SEMA6D: variants seen among roughly 807,000 people sequenced by gnomAD.
SEMA6D encodes the protein semaphorin-6D.
Under a neutral mutation model 106.6 loss-of-function variants are expected in SEMA6D, and 35 were observed. That is an observed-to-expected ratio of 0.33 (90% CI 0.25 to 0.44). SEMA6D has a LOEUF of 0.44. Among genes scored for constraint, SEMA6D ranks in the 20% least tolerant of loss-of-function variants. SEMA6D has a pLI of 1.00. For missense variants in SEMA6D, 1,185 were observed against 1,345.9 expected (o/e 0.88, Z 1.87); for synonymous variants, 499 against 487.7 (o/e 1.02, Z -0.31).
intron 4 of SEMA6D, among the ~76,000 whole-genome samples, chr15:47,689,761 A>G (rs1323798515): frequency 1.3e-5 from 2 of 152,230 alleles, no homozygotes; most frequent in Non-Finnish European, 2.9e-5. Flanking sequence ...GTTTCAGAGC[A>G]AAGTTCTTAC....
At chr15:47,490,401 T>C (rs1245898676) in intron 3 of SEMA6D, among the ~76,000 whole-genome samples, 6 of 152,116 alleles carry the variant, frequency 3.9e-5, no homozygotes, top group Admixed American at 3.3e-4. Flanking sequence ...ATCCCAGCAC[T>C]TTGGGAGGCC....
intron 2 of SEMA6D, among the ~76,000 whole-genome samples, chr15:47,435,025 A>G (rs957612024): frequency 1.3e-5 from 2 of 152,150 alleles, no homozygotes; most frequent in Non-Finnish European, 2.9e-5. Flanking sequence ...AAATCACTGA[A>G]TTGTAAATTC....
intron 3 of SEMA6D, among the ~76,000 whole-genome samples, chr15:47,567,779 G>A (rs1016671868): frequency 2.0e-5 from 3 of 152,150 alleles, no homozygotes; most frequent in African/African-American, 4.8e-5. Context: ...GCTCCTAAAA[G>A]TAGGCCTGGG....
chr15:47,344,791 A>G (rs1472476699), intron 1 of SEMA6D, among the ~76,000 whole-genome samples: 2 of 152,232 alleles, frequency 1.3e-5, no homozygotes, highest in South Asian at 2.1e-4. Flanking sequence ...TGCAGACAAC[A>G]TAAATATCTA....
intron 1 of SEMA6D, among the ~76,000 whole-genome samples, chr15:47,403,180 G>T (rs189595559): frequency 3.3e-5 from 5 of 152,078 alleles, no homozygotes; most frequent in Admixed American, 2.0e-4. Flanking sequence ...CAGAATCCCT[G>T]TGTTGGCTGG....
chr15:47,729,500 A>C (rs1269732435), intron 1 of SEMA6D, among the ~76,000 whole-genome samples: 1 of 152,206 alleles, frequency 6.6e-6, no homozygotes, highest in African/African-American at 2.4e-5. Flanking sequence ...AGCAAAGGGT[A>C]GTTGAAGAAG....
At position 47,763,853 on chromosome 15, in the gene SEMA6D, G is replaced by C; in HGVS notation, c.751G>C (p.Val251Leu). Residue 251 changes from valine (V) to leucine (L), a missense_variant, in exon 10 of 19, where the codon GTG (valine) becomes CTG (leucine). Coordinates refer to ENST00000536845, the MANE Select transcript of SEMA6D (RefSeq NM_001358351.3). ...TTTGCTTCTATCCGTTGGGCAGGCT[G>C]TGTATTCCCGCGTGGCCCGCATATG... Reference protein sequence around the residue: ...AVEHNNLGKAVYSRVARICKN... With the variant: ...AVEHNNLGKALYSRVARICKN... 6.2e-7 allele frequency: 1 copy of C among 1,612,704 alleles called. No individual in the cohort carries two copies. The highest frequency in any genetic ancestry group is 8.5e-7 in the Non-Finnish European group (1 of 1,179,764).
intron 1 of SEMA6D, among the ~76,000 whole-genome samples, chr15:47,327,282 A>G (rs564388186): frequency 2.6e-5 from 4 of 152,368 alleles, no homozygotes; most frequent in South Asian, 4.1e-4. Flanking sequence ...CAGATAATAA[A>G]TGTAAACCAG....
intron 4 of SEMA6D, among the ~76,000 whole-genome samples, chr15:47,704,729 T>C (rs1308061192): frequency 6.7e-6 from 1 of 150,368 alleles, no homozygotes; most frequent in Non-Finnish European, 1.5e-5. Flanking sequence ...AAAAAAAAAA[T>C]CTTGTCTTAC....
intron 3 of SEMA6D, among the ~76,000 whole-genome samples, chr15:47,552,891 A>AAT (rs374271506): frequency 0.12 from 4,363 of 35,058 alleles, 547 homozygotes; most frequent in African/African-American, 0.27. Flanking sequence ...AATATATATA[A>AAT]ATATATATAT....
chr15:47,449,500 C>G (rs1342098704), intron 2 of SEMA6D, among the ~76,000 whole-genome samples: 1 of 152,066 alleles, frequency 6.6e-6, no homozygotes, highest in East Asian at 1.9e-4. Flanking sequence ...AAGGCTTCCT[C>G]TCACAGACTG....
At chr15:47,634,933 G>A (rs1268857964) in intron 4 of SEMA6D, among the ~76,000 whole-genome samples, 2 of 152,284 alleles carry the variant, frequency 1.3e-5, no homozygotes, top group East Asian at 1.9e-4. Context: ...TGCCAAAAAA[G>A]GTTTTCTGCT....
chr15:47,746,984 G>GTATATATATATATATATATATATATA (rs3985864), intron 1 of SEMA6D, among the ~76,000 whole-genome samples: 1,688 of 121,538 alleles, frequency 0.014, 39 homozygotes, highest in Non-Finnish European at 0.022. Flanking sequence ...GTGTGTGTGT[G>GTATATATATATATATATATATATATA]TATATATATA....
In SEMA6D at chr15:47,771,915, C is replaced by A; in HGVS notation, c.*130C>A. The A allele has an allele frequency of 1.0e-6, 1 of 988,132 alleles. No homozygotes were observed. 61.2% of individuals were successfully genotyped at this position (988,132 alleles called of 1,614,324 possible). On this transcript the variant is annotated 3_prime_UTR_variant, in exon 19 of 19. Coordinates refer to ENST00000536845, the MANE Select transcript of SEMA6D (RefSeq NM_001358351.3). ...AACCAAGTGGCCAAAGAAACTCTTTCTAACTTTGGCAACATCAGAACTTGC... is the reference window on the plus strand; with the variant it reads ...AACCAAGTGGCCAAAGAAACTCTTTATAACTTTGGCAACATCAGAACTTGC...
At chr15:47,756,073 A>T (rs542592429) in intron 1 of SEMA6D, among the ~76,000 whole-genome samples, 1 of 152,180 alleles carries the variant, frequency 6.6e-6, no homozygotes, top group South Asian at 2.1e-4. Context: ...GTATGGGAGA[A>T]GTTCATATAA....
intron 1 of SEMA6D, among the ~76,000 whole-genome samples, chr15:47,745,452 C>T (rs4775708): frequency 3.3e-5 from 5 of 152,172 alleles, no homozygotes; most frequent in African/African-American, 7.2e-5. Flanking sequence ...TTCTCTACCC[C>T]GTACGCCACT....
chr15:47,758,482 G>A (rs552592704), intron 1 of SEMA6D, among the ~76,000 whole-genome samples: 1 of 152,184 alleles, frequency 6.6e-6, no homozygotes, highest in South Asian at 2.1e-4. Flanking sequence ...AACACTTACA[G>A]CTTCACAAAA....
chr15:47,704,138 G>C (rs1418300822), intron 4 of SEMA6D, among the ~76,000 whole-genome samples: 1 of 151,936 alleles, frequency 6.6e-6, no homozygotes, highest in African/African-American at 2.4e-5. Flanking sequence ...GTATATAGTG[G>C]ATATCTTTCT....
At chr15:47,262,995 A>T (rs2034148050) in intron 1 of SEMA6D, among the ~76,000 whole-genome samples, 1 of 129,662 alleles carries the variant, frequency 7.7e-6, no homozygotes, top group South Asian at 2.6e-4. Flanking sequence ...AGCTAGCTGT[A>T]TGCAGAAGAT....
Sources: gnomAD v4.1 joint callset for allele counts (sites outside exome capture counted in the v4.1 genomes callset) on GRCh38, gnomAD v4.1.1 for gene constraint, MANE v1.5 for transcripts, NCBI Gene and HGNC (gene_info 2026-07-23, HGNC 2026-07-21) for gene names.